The following DPH6 variants were observed in gnomAD, a reference collection of about 807,000 sequenced individuals.
The protein encoded by DPH6 is diphthine--ammonia ligase.
Under a neutral mutation model 38.2 loss-of-function variants are expected in DPH6, and 33 were observed. The observed-to-expected ratio is 0.86, with a 90% CI of 0.65 to 1.15. DPH6 has a LOEUF of 1.15. Among genes scored for constraint, DPH6 ranks in the 50% most tolerant of loss-of-function variants. DPH6 has a pLI of 0.00. For synonymous variants in DPH6, 108 were observed against 103.0 expected, an observed-to-expected ratio of 1.05 and a Z score of -0.30; for missense variants, 325 against 320.0, an observed-to-expected ratio of 1.02 and a Z score of -0.12.
intron 6 of DPH6, among the ~76,000 whole-genome samples, chr15:35,388,421 C>T (rs1397202853): frequency 3.9e-5 from 6 of 152,128 alleles, no homozygotes; most frequent in African/African-American, 1.4e-4. Context: ...GGAATGGTAC[C>T]AGCTCCTCCT....
At chr15:35,161,539 A>G in the DPH6 span, among the ~76,000 whole-genome samples, 1 of 152,026 alleles carries the variant, frequency 6.6e-6, no homozygotes, top group East Asian at 1.9e-4. Flanking sequence ...CCCCAAGTTC[A>G]TATGTTGAAA....
At chr15:35,194,381 G>GAGAGAGAGAGAGAGAT in the DPH6 span, among the ~76,000 whole-genome samples, 3 of 151,472 alleles carry the variant, frequency 2.0e-5, no homozygotes, top group Non-Finnish European at 4.4e-5. Context: ...GAGAGAGAGA[G>GAGAGAGAGAGAGAGAT]AGAGAGAGAG....
At chr15:35,496,563 A>ATATATATATATATATAT (rs1555406393) in intron 3 of DPH6, among the ~76,000 whole-genome samples, 81 of 15,948 alleles carry the variant, frequency 5.1e-3, no homozygotes, top group Non-Finnish European at 9.3e-3. Flanking sequence ...CTCAAAAAAA[A>ATATATATATATATATAT]AAAAATATAT....
chr15:35,348,763 T>C (rs2052483194), intron 3 of DPH6, among the ~76,000 whole-genome samples: 1 of 152,124 alleles, frequency 6.6e-6, no homozygotes, highest in African/African-American at 2.4e-5. Context: ...CACTATTAAG[T>C]CTTTCAACCC....
At chr15:35,431,338 G>A (rs1474541177) in intron 5 of DPH6, among the ~76,000 whole-genome samples, 1 of 152,074 alleles carries the variant, frequency 6.6e-6, no homozygotes, top group African/African-American at 2.4e-5. Context: ...AGGATAAGTA[G>A]TAAAACAATG....
At chr15:35,462,098 A>C (rs566867761) in intron 3 of DPH6, among the ~76,000 whole-genome samples, 27 of 152,272 alleles carry the variant, frequency 1.8e-4, no homozygotes, top group African/African-American at 6.5e-4. Context: ...GCATCCTATC[A>C]ATCAGTAGTT....
intron 7 of DPH6, among the ~76,000 whole-genome samples, chr15:35,376,715 C>A (rs1185794459): frequency 6.6e-6 from 1 of 151,926 alleles, no homozygotes; most frequent in African/African-American, 2.4e-5. Flanking sequence ...TTTACTGTAC[C>A]TTTTCTATGC....
intron 3 of DPH6, among the ~76,000 whole-genome samples, chr15:35,277,884 T>G (rs982704150): frequency 6.6e-6 from 1 of 152,338 alleles, no homozygotes. Context: ...GTGGCCTGGC[T>G]GCTTCTAAGA....
chr15:35,212,698 A>AT, downstream of DPH6, among the ~76,000 whole-genome samples: 1 of 152,360 alleles, frequency 6.6e-6, no homozygotes, highest in South Asian at 2.1e-4. Context: ...AGTCATTGCC[A>AT]AATCGTGTTG....
At chr15:35,353,777 C>G (rs2052536110) in intron 3 of DPH6, among the ~76,000 whole-genome samples, 3 of 151,936 alleles carry the variant, frequency 2.0e-5, no homozygotes. Context: ...TTTTTTGGTT[C>G]CATATGAACT....
At chr15:35,253,962 T>G (rs2140411605) in intron 3 of DPH6, among the ~76,000 whole-genome samples, 1 of 152,322 alleles carries the variant, frequency 6.6e-6, no homozygotes, top group African/African-American at 2.4e-5. Context: ...CTTAACAAGC[T>G]AACCATCAAA....
chr15:35,361,037 G>A (rs1173241124), intron 3 of DPH6, among the ~76,000 whole-genome samples: 1 of 152,148 alleles, frequency 6.6e-6, no homozygotes, highest in East Asian at 1.9e-4. Context: ...GAAGGTATAA[G>A]CCAACCTGAT....
chr15:35,184,020 C>T, the DPH6 span, among the ~76,000 whole-genome samples: 22 of 152,136 alleles, frequency 1.4e-4, no homozygotes, highest in African/African-American at 4.8e-4. Flanking sequence ...CGTATGTCCA[C>T]GACAGATTTC....
At chr15:35,294,489 C>T (rs2052001587) in intron 3 of DPH6, among the ~76,000 whole-genome samples, 1 of 152,196 alleles carries the variant, frequency 6.6e-6, no homozygotes, top group Non-Finnish European at 1.5e-5. Flanking sequence ...CTAGTTGCAA[C>T]AAGAAATCCT....
Position 35,259,204 on chromosome 15 carries a change from G to T in DPH6, n.201-38622C>A, listed in dbSNP as rs951487115. On this transcript the variant is annotated intron_variant and non_coding_transcript_variant, in intron 3 of 3. Coordinates refer to the DPH6 transcript ENST00000560386. ...CATCCCTTCCTTGCTTTCCCTTCTC[G>T]AATTCTGTAAGGGGTGTTCTAATCA... Among the ~76,000 whole-genome samples, 8 of 150,884 alleles carry T rather than the reference G, an allele frequency of 5.3e-5. No homozygotes were observed. The East Asian group carries it at 1.6e-3, about 29-fold the overall frequency.
chr15:35,391,054 T>A (rs892925896), intron 6 of DPH6, among the ~76,000 whole-genome samples: 1 of 152,176 alleles, frequency 6.6e-6, no homozygotes, highest in Non-Finnish European at 1.5e-5. Context: ...TAGTTTTCCT[T>A]CTAACAGTCA....
rs532673034 is a variant in DPH6 at position 35,268,318 on chromosome 15, A to G, written n.201-47736T>C. Among the ~76,000 whole-genome samples the G allele has an allele frequency of 1.2e-4, 19 of 152,194 alleles. 1 individual carries two copies. The South Asian group carries it at 3.3e-3, about 27-fold the overall frequency. On this transcript the variant is annotated intron_variant and non_coding_transcript_variant, in intron 3 of 3. Coordinates refer to the DPH6 transcript ENST00000560386. ...AGTAGGAAGGTGGAAGATTGAAGCT[A>G]GATAGAACAGACAGGCAACTGCAGT... is the stretch of plus-strand genomic sequence containing the variant.
At chr15:35,525,209 G>A (rs540135930) in intron 3 of DPH6, among the ~76,000 whole-genome samples, 10 of 152,250 alleles carry the variant, frequency 6.6e-5, no homozygotes, top group Admixed American at 1.3e-4. Flanking sequence ...AGCTACACTT[G>A]AGGAAATCAA....
chr15:35,340,979 C>G (rs908161256), intron 3 of DPH6, among the ~76,000 whole-genome samples: 2 of 152,226 alleles, frequency 1.3e-5, no homozygotes, highest in South Asian at 2.1e-4. Context: ...TATTTTCCAC[C>G]TTGGTTCCAT....
Sources: allele counts gnomAD v4.1 joint callset (sites outside exome capture counted in the v4.1 genomes callset), GRCh38; gene constraint gnomAD v4.1.1; transcripts MANE v1.5; gene names NCBI Gene and HGNC (gene_info 2026-07-23, HGNC 2026-07-21).